The following PCDHA3 variants were observed in gnomAD, a reference collection of about 807,000 sequenced individuals.
PCDHA3 encodes protocadherin alpha 3.
In PCDHA3, 41 loss-of-function variants were observed where a neutral mutation model predicts 62.2. That is an observed-to-expected ratio of 0.66 (90% CI 0.51 to 0.86). The LOEUF is 0.86. PCDHA3 is among the 40% of genes least tolerant of loss of function. PCDHA3 has a pLI of 0.00. For synonymous variants in PCDHA3, 640 were observed against 555.4 expected, an observed-to-expected ratio of 1.15 and a Z score of -2.14; for missense variants, 1,304 against 1,241.2, an observed-to-expected ratio of 1.05 and a Z score of -0.76.
intron 1 of PCDHA3, chr5:140,857,828 C>A (rs781917564): frequency 2.5e-6 from 4 of 1,597,660 alleles, no homozygotes; most frequent in African/African-American, 1.3e-5. Flanking sequence ...GGCTAAGGTG[C>A]GCGCAGTGGA....
At position 140,882,588 on chromosome 5, in the gene PCDHA3, A is replaced by G; in HGVS notation, c.2394+78997A>G. The G allele has an allele frequency of 1.2e-6, 2 of 1,614,186 alleles. No homozygotes were observed. Among genetic ancestry groups the G allele is most frequent in the African/African-American group, 1.3e-5 (1 of 75,040 alleles). ...AGCGCGGAGTGCAGCATCCACCTGG[A>G]GGTGATCGTGGACAGGCCTCTGCAG... On this transcript the variant is annotated intron_variant, in intron 1 of 3. Coordinates refer to ENST00000522353, the MANE Select transcript of PCDHA3 (RefSeq NM_018906.3).
At chr5:140,826,553 C>A (rs2150080050) in intron 1 of PCDHA3, among the ~76,000 whole-genome samples, 1 of 152,176 alleles carries the variant, frequency 6.6e-6, no homozygotes, top group South Asian at 2.1e-4. Flanking sequence ...TATTTTTCTC[C>A]TTTGAAGGAG....
At chr5:140,836,797 C>A in intron 1 of PCDHA3, 1 of 1,343,980 alleles carries the variant, frequency 7.4e-7, no homozygotes, top group Admixed American at 2.4e-5. Flanking sequence ...AATTGGTCTC[C>A]TTAAATTTTC....
At chr5:140,941,255 C>CTCTT (rs1554214207) in intron 1 of PCDHA3, among the ~76,000 whole-genome samples, 2 of 44,508 alleles carry the variant, frequency 4.5e-5, no homozygotes, top group African/African-American at 1.4e-4. Context: ...TTCTTTCTTT[C>CTCTT]TCTTTCTTTC....
intron 3 of PCDHA3, among the ~76,000 whole-genome samples, chr5:140,989,470 C>T (rs1365588787): frequency 6.6e-6 from 1 of 152,148 alleles, no homozygotes; most frequent in African/African-American, 2.4e-5. Context: ...TGGAACTCCT[C>T]CTGGGAGGTG....
At chr5:140,965,128 A>G (rs2095876420) in intron 1 of PCDHA3, among the ~76,000 whole-genome samples, 1 of 152,244 alleles carries the variant, frequency 6.6e-6, no homozygotes, top group African/African-American at 2.4e-5. Flanking sequence ...AGATCTACAG[A>G]TGACAGAATA....
At chr5:140,871,852 T>A (rs767921370) in intron 1 of PCDHA3, among the ~76,000 whole-genome samples, 12 of 152,354 alleles carry the variant, frequency 7.9e-5, no homozygotes, top group African/African-American at 2.4e-4. Flanking sequence ...ATTATGACCA[T>A]AATAACTATG....
intron 1 of PCDHA3, among the ~76,000 whole-genome samples, chr5:140,833,023 G>A (rs1772255720): frequency 6.6e-6 from 1 of 152,184 alleles, no homozygotes; most frequent in Admixed American, 6.5e-5. Context: ...GTTCCCATAA[G>A]AGAGAGTGTG....
At chr5:140,856,596 A>G in intron 1 of PCDHA3, 1 of 1,597,802 alleles carries the variant, frequency 6.3e-7, no homozygotes, top group Non-Finnish European at 8.6e-7. Flanking sequence ...GATATTATAA[A>G]CAAAAAAGAC....
chr5:140,828,973 C>T (rs2150161482), intron 1 of PCDHA3: 4 of 1,614,140 alleles, frequency 2.5e-6, no homozygotes, highest in East Asian at 4.5e-5. Flanking sequence ...ACCACTTTAG[C>T]ATAGATCGAA....
At chr5:140,931,547 T>C (rs2087587732) in intron 1 of PCDHA3, among the ~76,000 whole-genome samples, 1 of 152,064 alleles carries the variant, frequency 6.6e-6, no homozygotes, top group Admixed American at 6.5e-5. Flanking sequence ...ACTGTTCATA[T>C]GTGCAGGAAT....
In PCDHA3 at chr5:140,829,866, C is replaced by A. The variant is rs180987045; in HGVS notation, c.2394+26275C>A. On this transcript the variant is annotated intron_variant, in intron 1 of 3. Transcript: ENST00000522353. ...TCACTGGGTGCAGGCCAAGTGGTGG[C>A]GAAGGTGCGCGCAGTTGACGCCGAC... 5 of 1,613,774 alleles carry A rather than the reference C, an allele frequency of 3.1e-6. 1 individual carries two copies. The Admixed American group carries it at 6.7e-5, about 22-fold the overall frequency.
intron 1 of PCDHA3, among the ~76,000 whole-genome samples, chr5:140,885,206 A>G (rs1304868227): frequency 1.3e-5 from 2 of 152,038 alleles, no homozygotes; most frequent in Non-Finnish European, 2.9e-5. Context: ...CATATATCCC[A>G]TGAAAAATAT....
At chr5:140,855,950 C>T in intron 1 of PCDHA3, 1 of 1,363,920 alleles carries the variant, frequency 7.3e-7, no homozygotes, top group Non-Finnish European at 1.0e-6. Flanking sequence ...TCAGCCATTT[C>T]GATAAAAAAT....
Position 140,802,199 on chromosome 5 carries a change from C to T in PCDHA3, c.1002C>T (p.Cys334=). Residue 334 remains cysteine, a synonymous_variant, in exon 1 of 4, where the codon TGC becomes TGT. Transcript: ENST00000522353. ...DKGNPPMSDH[C]TVLLEIVDIN... ...GAAATCCCCCAATGTCAGATCACTG[C>T]ACAGTTCTACTCGAAATTGTGGACA... 1 of 1,614,220 alleles carries T rather than the reference C, an allele frequency of 6.2e-7. No homozygotes were observed. Among genetic ancestry groups the T allele is most frequent in the Non-Finnish European group, 8.5e-7 (1 of 1,180,036 alleles).
At chr5:140,877,525 G>A (rs1562735759) in intron 1 of PCDHA3, 7 of 1,613,804 alleles carry the variant, frequency 4.3e-6, no homozygotes, top group Non-Finnish European at 5.9e-6. Flanking sequence ...GGCCTCAGTG[G>A]GCGCTGTGGA....
At chr5:140,836,897 G>A (rs1466903226) in intron 1 of PCDHA3, 3 of 603,578 alleles carry the variant, frequency 5.0e-6, no homozygotes, top group South Asian at 2.7e-5. Flanking sequence ...TTGGAAGTAC[G>A]TTTAATATAC....
chr5:140,935,380 A>C (rs1188418457), intron 1 of PCDHA3, among the ~76,000 whole-genome samples: 1 of 152,220 alleles, frequency 6.6e-6, no homozygotes, highest in Non-Finnish European at 1.5e-5. Context: ...AGAATTACTC[A>C]TTTGTTATCC....
chr5:140,885,164 T>G (rs2060495549), intron 1 of PCDHA3, among the ~76,000 whole-genome samples: 1 of 151,598 alleles, frequency 6.6e-6, no homozygotes, highest in African/African-American at 2.4e-5. Context: ...TCTCTACTTT[T>G]TTGTCCTCTA....
Sources: gnomAD v4.1 joint callset for allele counts (sites outside exome capture counted in the v4.1 genomes callset) on GRCh38, gnomAD v4.1.1 for gene constraint, MANE v1.5 for transcripts, NCBI Gene and HGNC (gene_info 2026-07-23, HGNC 2026-07-21) for gene names.